SEMA5B: variants seen among roughly 807,000 people sequenced by gnomAD.
SEMA5B encodes the protein semaphorin 5B.
Under a neutral mutation model 135.0 loss-of-function variants are expected in SEMA5B, and 66 were observed. The ratio of observed to expected loss-of-function variants is 0.49; its 90% CI spans 0.40 to 0.60. The LOEUF is 0.60. SEMA5B is among the 20% of genes least tolerant of loss of function. The pLI is 0.00. For synonymous variants in SEMA5B, 690 were observed against 639.5 expected (o/e 1.08, Z -1.19); for missense variants, 1,501 against 1,566.3 (o/e 0.96, Z 0.70).
intron 4 of SEMA5B, 136 bp downstream of exon 4, chr3:122,943,300 C>T (rs1198150252): frequency 4.9e-6 from 3 of 614,404 alleles, no homozygotes; most frequent in East Asian, 2.8e-5. Context: ...GACAGACATC[C>T]ACAAGGAGAG....
chr3:122,928,013 A>T lies in SEMA5B; in HGVS notation c.637-10T>A, dbSNP rs1938738384. On this transcript the variant is annotated splice_polypyrimidine_tract_variant and intron_variant, in intron 7 of 22. Transcript: ENST00000357599. ...GGCTGAGGTTCCCCACCTGGGGACA[A>T]TGGGGAGAAGGGGACACTTTTCCCT... is the stretch of plus-strand genomic sequence containing the variant. 8.2e-6 allele frequency: 12 copies of T among 1,457,244 alleles called. No homozygotes were observed. Among genetic ancestry groups the T allele is most frequent in the Non-Finnish European group, 1.1e-5 (12 of 1,099,818 alleles). 90.3% of individuals were successfully genotyped at this position (1,457,244 alleles called of 1,614,324 possible). A position where few individuals can be genotyped will look rare whatever the true frequency, so the allele number is the denominator to read the frequency against.
At chr3:122,976,927 G>C (rs1214193065) in intron 1 of SEMA5B, among the ~76,000 whole-genome samples, 1 of 152,186 alleles carries the variant, frequency 6.6e-6, no homozygotes, top group East Asian at 1.9e-4. Flanking sequence ...GCACGCACGT[G>C]TAATCCCAGC....
In SEMA5B at chr3:122,926,567, C is replaced by T. The variant is rs375144005; in HGVS notation, c.961G>A (p.Val321Met). 38 of 1,614,140 alleles carry T rather than the reference C, an allele frequency of 2.4e-5. No individual in the cohort carries two copies. Among genetic ancestry groups the T allele is most frequent in the Admixed American group, 3.3e-5 (2 of 60,012 alleles). ...GRTVYSRVAR[V>M]CKNDVGGRFL... ...CGGCCCCCCACGTCATTCTTGCACA[C>T]GCGGGCCACGCGAGAGTACACGGTG... The change falls in exon 9 of 23, where the codon GTG (valine) becomes ATG (methionine). Residue 321 changes from valine to methionine, a missense_variant. This residue lies in a region of SEMA5B where 574 missense variants were observed against 684.7 expected (regional missense o/e 0.84). Coordinates refer to ENST00000357599, the MANE Select transcript of SEMA5B (RefSeq NM_001031702.4).
intron 15 of SEMA5B, 55 bp from the exon 16 acceptor site, chr3:122,913,736 G>A: frequency 3.8e-6 from 6 of 1,599,218 alleles, no homozygotes; most frequent in Non-Finnish European, 5.1e-6. Flanking sequence ...TCCCTGACGA[G>A]AGGTCCCTGG....
intron 1 of SEMA5B, among the ~76,000 whole-genome samples, chr3:122,970,110 A>C (rs143785889): frequency 7.5e-4 from 114 of 152,268 alleles, no homozygotes; most frequent in Middle Eastern, 3.4e-3. Context: ...CCCGGGCTGC[A>C]AATATGGGTG....
At position 122,910,305 on chromosome 3, in the gene SEMA5B, T is replaced by C; in HGVS notation, c.3298-4A>G. On this transcript the variant is annotated splice_polypyrimidine_tract_variant and splice_region_variant and intron_variant, in intron 22 of 22. Coordinates refer to ENST00000357599, the MANE Select transcript of SEMA5B (RefSeq NM_001031702.4). ...TCAAGTTATTCTTGTTCAGGGTCTG[T>C]GGGTGGAAGAAGGAACCAGAGAAAG... is the stretch of plus-strand genomic sequence containing the variant. 6.2e-7 allele frequency: 1 copy of C among 1,613,786 alleles called. No individual in the cohort carries two copies. The highest frequency in any genetic ancestry group is 2.2e-5 in the East Asian group (1 of 44,874).
Position 122,913,985 on chromosome 3 carries a change from G to C in SEMA5B, c.2005C>G (p.Pro669Ala). Residue 669 changes from proline (P) to alanine (A), a missense_variant, in exon 15 of 23, where the codon CCG becomes GCG. This residue lies in a region of SEMA5B where 927 missense variants were observed against 881.6 expected (regional missense o/e 1.05). Transcript: ENST00000357599. ...ANCSRNGAWT[P>A]WSSWALCSTS... ...CTGCACAGCGCCCACGATGACCACG[G>C]GGTCCACGCCCCATTCCTGGCGGGG... 1 of 1,603,804 alleles carries C rather than the reference G, an allele frequency of 6.2e-7. No individual in the cohort carries two copies. The highest frequency in any genetic ancestry group is 8.5e-7 in the Non-Finnish European group (1 of 1,175,342).
At chr3:123,019,261 T>C (rs753812235) in intron 1 of SEMA5B, among the ~76,000 whole-genome samples, 12 of 152,202 alleles carry the variant, frequency 7.9e-5, no homozygotes, top group Non-Finnish European at 1.8e-4. Context: ...ATCATTTTAT[T>C]TCTCAAGGTT....
At chr3:122,962,421 G>A (rs1028181292) in intron 1 of SEMA5B, among the ~76,000 whole-genome samples, 2 of 152,208 alleles carry the variant, frequency 1.3e-5, no homozygotes, top group African/African-American at 2.4e-5. Flanking sequence ...GGTGGAGAGG[G>A]AGGAGCAGAG....
chr3:122,976,152 A>G (rs1428624892), intron 1 of SEMA5B: 1 of 1,533,794 alleles, frequency 6.5e-7, no homozygotes. Flanking sequence ...TCACTTCCTC[A>G]CCCTGTGTTG....
chr3:122,915,388 T>A, intron 14 of SEMA5B, 52 bp downstream of exon 14: 2 of 1,536,786 alleles, frequency 1.3e-6, no homozygotes. Context: ...TTTCCCTAGT[T>A]CTCCCCACCC....
intron 5 of SEMA5B, among the ~76,000 whole-genome samples, chr3:122,937,826 C>T (rs1939366184): frequency 6.6e-6 from 1 of 152,210 alleles, no homozygotes; most frequent in Admixed American, 6.5e-5. Flanking sequence ...TCCTAGAAGG[C>T]CTTCATCTGC....
At chr3:122,979,059 G>A (rs1347998982) in intron 1 of SEMA5B, among the ~76,000 whole-genome samples, 1 of 152,192 alleles carries the variant, frequency 6.6e-6, no homozygotes, top group Non-Finnish European at 1.5e-5. Context: ...AGAATGTCTT[G>A]AAAAGAAGGG....
chr3:122,977,530 T>C (rs375111855), intron 1 of SEMA5B, among the ~76,000 whole-genome samples: 34 of 152,306 alleles, frequency 2.2e-4, no homozygotes, highest in East Asian at 3.9e-4. Flanking sequence ...CAGAACCCTC[T>C]ACCCAGAGAA....
intron 1 of SEMA5B, among the ~76,000 whole-genome samples, chr3:122,978,974 C>A (rs1387283019): frequency 1.3e-5 from 2 of 152,162 alleles, no homozygotes; most frequent in Non-Finnish European, 2.9e-5. Context: ...TCTTGCTTGG[C>A]CATCTTCAGC....
chr3:122,951,792 T>A (rs939912563), intron 2 of SEMA5B, among the ~76,000 whole-genome samples: 1 of 152,222 alleles, frequency 6.6e-6, no homozygotes, highest in African/African-American at 2.4e-5. Flanking sequence ...GCTGGAGGAC[T>A]AGAGGGCTGG....
At chr3:122,974,139 C>T (rs899434016) in intron 1 of SEMA5B, among the ~76,000 whole-genome samples, 17 of 152,180 alleles carry the variant, frequency 1.1e-4, no homozygotes, top group Non-Finnish European at 2.2e-4. Context: ...TGCTTGCAGG[C>T]GGGGAGGGAG....
At chr3:123,023,630 C>T (rs1027875467) in intron 1 of SEMA5B, among the ~76,000 whole-genome samples, 2 of 152,204 alleles carry the variant, frequency 1.3e-5, no homozygotes, top group South Asian at 4.2e-4. Flanking sequence ...GGATCCTAGC[C>T]CTCTCACCCT....
At chr3:122,911,107 G>C in intron 21 of SEMA5B, 62 bp from the exon 22 acceptor site, 1 of 1,391,902 alleles carries the variant, frequency 7.2e-7, no homozygotes, top group Non-Finnish European at 9.9e-7. Context: ...ACTCCTGCCT[G>C]CCTCCCTGGG....
Sources: gnomAD v4.1 joint callset for allele counts (sites outside exome capture counted in the v4.1 genomes callset) on GRCh38, gnomAD v4.1.1 for gene constraint, gnomAD v4.1.1 regional missense constraint, MANE v1.5 for transcripts, NCBI Gene and HGNC (gene_info 2026-07-23, HGNC 2026-07-21) for gene names.